KANK1: variants seen among roughly 807,000 people sequenced by gnomAD.
KANK1 encodes the protein KN motif and ankyrin repeat domains 1, also known as KN motif and ankyrin repeat domain-containing protein 1.
A neutral mutation model predicts 106.2 loss-of-function variants in KANK1; 109 were observed. The ratio of observed to expected loss-of-function variants is 1.03; its 90% confidence interval spans 0.88 to 1.20. The LOEUF (loss-of-function observed/expected upper bound fraction) is 1.20, where lower values mean the gene tolerates loss of function less well. Ranked by LOEUF, KANK1 falls within the 50% of genes most tolerant of loss-of-function variation. The pLI, the probability that KANK1 is intolerant of heterozygous loss-of-function variation, is 0.00. For synonymous variants in KANK1, 873 were observed against 652.2 expected, an observed-to-expected ratio of 1.34 and a Z score of -5.16; for missense variants, 2,399 against 1,710.7, an observed-to-expected ratio of 1.40 and a Z score of -7.10.
chr9:626,640 G>A (rs1834414555), intron 1 of KANK1, among the ~76,000 whole-genome samples: 1 of 152,162 alleles, frequency 6.6e-6, no homozygotes, highest in Admixed American at 6.5e-5. Flanking sequence ...GCCCTATTTG[G>A]CCTCAAATTT....
chr9:492,814 C>T (rs1327364727), intron 3 of KANK1, among the ~76,000 whole-genome samples: 4 of 151,940 alleles, frequency 2.6e-5, no homozygotes, highest in Non-Finnish European at 4.4e-5. Context: ...CACCTGAGGT[C>T]GGGAATTCGA....
At chr9:532,420 A>T (rs1163106491) in intron 1 of KANK1, among the ~76,000 whole-genome samples, 3 of 92,424 alleles carry the variant, frequency 3.2e-5, no homozygotes, top group Non-Finnish European at 6.1e-5. Flanking sequence ...TGTATAGTTC[A>T]TTGATGTTAA....
At chr9:623,435 C>T (rs1211622035) in intron 1 of KANK1, among the ~76,000 whole-genome samples, 1 of 151,508 alleles carries the variant, frequency 6.6e-6, no homozygotes, top group African/African-American at 2.4e-5. Flanking sequence ...ACAAGAAATA[C>T]AAAAATTAGC....
chr9:572,825 A>G (rs769342153), intron 1 of KANK1, among the ~76,000 whole-genome samples: 7 of 152,118 alleles, frequency 4.6e-5, no homozygotes, highest in Admixed American at 1.3e-4. Flanking sequence ...GTCTTCCCAC[A>G]TTTCCATCTT....
intron 1 of KANK1, among the ~76,000 whole-genome samples, chr9:608,034 A>ATTTT (rs35949327): frequency 0.37 from 42,819 of 114,314 alleles, 10,333 homozygotes; most frequent in Non-Finnish European, 0.5. Flanking sequence ...TATTATTATT[A>ATTTT]TTTTTTTTTT....
chr9:588,451 G>A (rs969020345), intron 1 of KANK1, among the ~76,000 whole-genome samples: 1 of 152,154 alleles, frequency 6.6e-6, no homozygotes, highest in African/African-American at 2.4e-5. Context: ...CTCAGGTGTT[G>A]ATGTATTCTG....
intron 1 of KANK1, among the ~76,000 whole-genome samples, chr9:648,129 G>A (rs537389101): frequency 3.4e-5 from 5 of 147,754 alleles, no homozygotes; most frequent in Non-Finnish European, 7.4e-5. Flanking sequence ...TCAGCCTCCC[G>A]AGTAGCTGGG....
At chr9:645,439 T>TAAAAAAA (rs376740141) in intron 1 of KANK1, among the ~76,000 whole-genome samples, 1 of 70,252 alleles carries the variant, frequency 1.4e-5, no homozygotes, top group African/African-American at 6.4e-5. Context: ...GACTGTGTCT[T>TAAAAAAA]AAAAAAAAAA....
At chr9:620,873 C>G (rs1200766996) in intron 1 of KANK1, among the ~76,000 whole-genome samples, 1 of 151,930 alleles carries the variant, frequency 6.6e-6, no homozygotes, top group Non-Finnish European at 1.5e-5. Context: ...TGACTACAGC[C>G]CTCTTAACAA....
At position 477,099 on chromosome 9, in the gene KANK1, A is replaced by G. The variant is rs561699605; in HGVS notation, c.-362+3826A>G. 8.5e-5 allele frequency among the ~76,000 whole-genome samples: 13 copies of G among 152,322 alleles called. No homozygotes were observed. In the South Asian group the frequency reaches 2.5e-3, roughly 29 times the overall value. On this transcript the variant is annotated intron_variant, in intron 3 of 15. Coordinates refer to the KANK1 transcript ENST00000382303. ...GTTACTTTCATTACCCCAGTTGGCAATTTGAGCAGGGCATGACAGGGAGTT... is the reference window on the plus strand; with the variant it reads ...GTTACTTTCATTACCCCAGTTGGCAGTTTGAGCAGGGCATGACAGGGAGTT...
intron 1 of KANK1, among the ~76,000 whole-genome samples, chr9:556,630 A>G (rs895957463): frequency 6.6e-6 from 1 of 152,208 alleles, no homozygotes; most frequent in African/African-American, 2.4e-5. Context: ...TCCTTGTTCC[A>G]TTAAGATAAT....
chr9:677,751 C>T (rs1213737097), intron 2 of KANK1: 2 of 152,108 alleles, frequency 1.3e-5, no homozygotes, highest in South Asian at 2.1e-4. Flanking sequence ...TTTTTCTGAG[C>T]GTCTGAGTCC....
Position 738,096 on chromosome 9 carries a change from G to A in KANK1, c.3334-189G>A, listed in dbSNP as rs569278549. Among the ~76,000 whole-genome samples, 26 of 152,280 alleles carry A rather than the reference G, an allele frequency of 1.7e-4. 1 individual carries two copies. The Middle Eastern group carries it at 0.01, about 60-fold the overall frequency. ...CCTTTATAGACATTAGAATCTACAC[G>A]TCATTTAAAATCAGGAGAAATGTCC... On this transcript the variant is annotated intron_variant, in intron 7 of 11. Coordinates refer to ENST00000382297, the MANE Select transcript of KANK1 (RefSeq NM_015158.5).
intron 1 of KANK1, among the ~76,000 whole-genome samples, chr9:612,167 A>G (rs12236704): frequency 0.32 from 48,586 of 152,114 alleles, 8,610 homozygotes; most frequent in African/African-American, 0.46. Context: ...CTTTGTTAAT[A>G]GGAAACTATC....
At chr9:605,127 C>T (rs1233537990) in intron 1 of KANK1, among the ~76,000 whole-genome samples, 1 of 151,400 alleles carries the variant, frequency 6.6e-6, no homozygotes, top group African/African-American at 2.4e-5. Context: ...CATGATGAAA[C>T]CTGTCTCTAC....
intron 1 of KANK1, among the ~76,000 whole-genome samples, chr9:555,724 G>C (rs1199014967): frequency 2.6e-5 from 4 of 152,116 alleles, no homozygotes; most frequent in Admixed American, 1.3e-4. Context: ...ACTTGTACTG[G>C]AATATGAAAT....
At chr9:706,916 C>A in intron 2 of KANK1, 3 of 985,444 alleles carry the variant, frequency 3.0e-6, no homozygotes, top group Non-Finnish European at 3.6e-6. Flanking sequence ...TGTAGAGATG[C>A]TTAAAGTGCT....
intron 1 of KANK1, among the ~76,000 whole-genome samples, chr9:562,042 C>CTTTTTTTT (rs34419752): frequency 0.016 from 1,648 of 104,596 alleles, 8 homozygotes; most frequent in Non-Finnish European, 0.024. Context: ...ATTGCATTTT[C>CTTTTTTTT]TTTTTTTTTT....
chr9:731,031 G>T, intron 4 of KANK1, 127 bp from the exon 5 acceptor site: 1 of 452,978 alleles, frequency 2.2e-6, no homozygotes, highest in South Asian at 3.7e-5. Context: ...GAATTTTGTG[G>T]AAACTTCTCA....
Sources: allele counts gnomAD v4.1 joint callset (sites outside exome capture counted in the v4.1 genomes callset), GRCh38; gene constraint gnomAD v4.1.1; transcripts MANE v1.5; gene names NCBI Gene and HGNC (gene_info 2026-07-23, HGNC 2026-07-21).